Variants in ANKRD29 observed in about 807,000 individuals in gnomAD.
ANKRD29 encodes the protein ankyrin repeat domain-containing protein 29.
Under a neutral mutation model 38.0 loss-of-function variants are expected in ANKRD29, and 32 were observed. That is an observed-to-expected ratio of 0.84 (90% CI 0.64 to 1.13). The LOEUF is 1.13. Among genes scored for constraint, ANKRD29 ranks in the 50% most tolerant of loss-of-function variants. ANKRD29 has a pLI of 0.00. For synonymous variants in ANKRD29, 135 were observed against 152.4 expected (o/e 0.89, Z 0.84); for missense variants, 357 against 377.9 (o/e 0.94, Z 0.46).
At position 23,600,616 on chromosome 18, in the gene ANKRD29, A is replaced by G. The variant is rs1424913810; in HGVS notation, c.*610T>C. On this transcript the variant is annotated 3_prime_UTR_variant, in exon 10 of 10. Coordinates refer to ENST00000592179, the MANE Select transcript of ANKRD29 (RefSeq NM_173505.4). The stretch of plus-strand genomic sequence containing the variant: ...CACAGTCTGTCTTTTCTATAGTTCA[A>G]TAGTCCATCTTTGAATAGCACATAA... 6.5e-6 allele frequency: 1 copy of G among 152,672 alleles called. No homozygotes were observed. The highest frequency in any genetic ancestry group is 1.5e-5 in the Non-Finnish European group (1 of 68,050). 9.5% of individuals were successfully genotyped at this position (152,672 alleles called of 1,614,324 possible).
chr18:23,634,701 T>A (rs994559342), intron 4 of ANKRD29, among the ~76,000 whole-genome samples: 3 of 152,238 alleles, frequency 2.0e-5, no homozygotes, highest in African/African-American at 7.2e-5. Flanking sequence ...GTATTACAGT[T>A]TTTTGACCAA....
At chr18:23,629,659 T>C (rs140310735) in intron 6 of ANKRD29, among the ~76,000 whole-genome samples, 194 bp downstream of exon 6, 10 of 152,356 alleles carry the variant, frequency 6.6e-5, no homozygotes, top group South Asian at 4.1e-4. Flanking sequence ...CTTGGTTTCA[T>C]AGGCTTTCAG....
At chr18:23,621,062 G>A (rs1357146179) in intron 6 of ANKRD29, among the ~76,000 whole-genome samples, 1 of 152,186 alleles carries the variant, frequency 6.6e-6, no homozygotes, top group Non-Finnish European at 1.5e-5. Context: ...CTCAATGCCA[G>A]GATGATAGTC....
At chr18:23,653,547 C>T (rs751312589) in intron 1 of ANKRD29, among the ~76,000 whole-genome samples, 24 of 152,046 alleles carry the variant, frequency 1.6e-4, no homozygotes, top group Non-Finnish European at 3.4e-4. Flanking sequence ...CCGCACCTGG[C>T]CTAGTCCCAT....
chr18:23,617,682 C>G (rs959204453), intron 8 of ANKRD29, 50 bp downstream of exon 8: 7 of 1,526,950 alleles, frequency 4.6e-6, no homozygotes, highest in Non-Finnish European at 4.5e-6. Flanking sequence ...TGAGGACTTA[C>G]TTTCTAACCT....
intron 8 of ANKRD29, among the ~76,000 whole-genome samples, chr18:23,617,319 G>A (rs922365029): frequency 6.6e-6 from 1 of 152,134 alleles, no homozygotes; most frequent in Admixed American, 6.6e-5. Flanking sequence ...TATTTTCTGA[G>A]GCTTCCAGGT....
intron 9 of ANKRD29, among the ~76,000 whole-genome samples, chr18:23,607,724 T>A (rs907019484): frequency 6.6e-6 from 1 of 152,220 alleles, no homozygotes; most frequent in Non-Finnish European, 1.5e-5. Context: ...ATTGATGTGA[T>A]GGCGAGTGCC....
At chr18:23,646,437 C>A in intron 2 of ANKRD29, 150 bp from the exon 3 acceptor site, 1 of 565,642 alleles carries the variant, frequency 1.8e-6, no homozygotes, top group Non-Finnish European at 3.1e-6. Context: ...TGAATAATCT[C>A]ATCATGCAGC....
intron 1 of ANKRD29, among the ~76,000 whole-genome samples, chr18:23,652,227 G>A (rs574358548): frequency 1.1e-4 from 16 of 152,256 alleles, no homozygotes; most frequent in Non-Finnish European, 1.9e-4. Flanking sequence ...TGCTTACTCT[G>A]GACCACGTGG....
rs1348256008 is a variant in ANKRD29 at position 23,600,219 on chromosome 18, T to C, written c.*1007A>G. The C allele has an allele frequency of 6.6e-6, 1 of 152,526 alleles. No homozygotes were observed. The highest frequency in any genetic ancestry group is 6.6e-5 in the Admixed American group (1 of 15,266). The allele number at this position is 152,526 out of a possible 1,614,324, so 9.4% of individuals were successfully genotyped here. Reference sequence around the variant, plus strand: ...GAATCAGTCAACTCAAAAACATGCATAGATGAAGACTTACTAAGTGCTAAT... The same window carrying C: ...GAATCAGTCAACTCAAAAACATGCACAGATGAAGACTTACTAAGTGCTAAT... On this transcript the variant is annotated 3_prime_UTR_variant, in exon 10 of 10. Transcript: ENST00000592179.
chr18:23,617,413 T>C (rs1380356982), intron 8 of ANKRD29, among the ~76,000 whole-genome samples: 1 of 152,060 alleles, frequency 6.6e-6, no homozygotes, highest in Non-Finnish European at 1.5e-5. Context: ...GACATAAGTG[T>C]CTGTTCTTCT....
intron 1 of ANKRD29, among the ~76,000 whole-genome samples, chr18:23,651,407 G>A (rs1030261765): frequency 6.6e-6 from 1 of 152,198 alleles, no homozygotes; most frequent in African/African-American, 2.4e-5. Flanking sequence ...TGTTCCAGCT[G>A]TCAGTAACTA....
At chr18:23,646,008 C>T (rs1355918547) in intron 3 of ANKRD29, among the ~76,000 whole-genome samples, 181 bp downstream of exon 3, 3 of 152,280 alleles carry the variant, frequency 2.0e-5, no homozygotes, top group Middle Eastern at 3.4e-3. Flanking sequence ...AGGCTACGCT[C>T]AAATGCATTA....
At chr18:23,603,755 T>C (rs976237911) in intron 9 of ANKRD29, among the ~76,000 whole-genome samples, 7 of 152,166 alleles carry the variant, frequency 4.6e-5, no homozygotes, top group African/African-American at 1.7e-4. Flanking sequence ...ATGAAAAAAG[T>C]GGCAGGTTCA....
At chr18:23,613,700 C>T (rs560773462) in intron 8 of ANKRD29, among the ~76,000 whole-genome samples, 4 of 151,164 alleles carry the variant, frequency 2.6e-5, no homozygotes, top group South Asian at 4.2e-4. Context: ...CCCGGGTTCA[C>T]GCCATTCTCC....
At chr18:23,643,325 T>C (rs2060100940) in intron 3 of ANKRD29, among the ~76,000 whole-genome samples, 1 of 152,168 alleles carries the variant, frequency 6.6e-6, no homozygotes, top group Non-Finnish European at 1.5e-5. Flanking sequence ...TTTATTACAG[T>C]TGATGATGCT....
At chr18:23,621,007 T>C in intron 6 of ANKRD29, among the ~76,000 whole-genome samples, 1 of 152,136 alleles carries the variant, frequency 6.6e-6, no homozygotes, top group East Asian at 1.9e-4. Context: ...TGCAGGACGC[T>C]TGTGGACCAG....
chr18:23,623,285 G>C (rs1206358621), intron 6 of ANKRD29, among the ~76,000 whole-genome samples: 1 of 152,116 alleles, frequency 6.6e-6, no homozygotes, highest in Non-Finnish European at 1.5e-5. Context: ...GGCCGCCTGT[G>C]TATTTCATTA....
intron 8 of ANKRD29, among the ~76,000 whole-genome samples, chr18:23,612,711 G>A (rs182452482): frequency 3.9e-5 from 6 of 152,312 alleles, no homozygotes; most frequent in South Asian, 4.1e-4. Context: ...GGGTATGTGG[G>A]GTGAGGCAAT....
Sources: allele counts gnomAD v4.1 joint callset (sites outside exome capture counted in the v4.1 genomes callset), GRCh38; gene constraint gnomAD v4.1.1; transcripts MANE v1.5; gene names NCBI Gene and HGNC (gene_info 2026-07-23, HGNC 2026-07-21).